Variants in CNTNAP2 observed in about 807,000 individuals in gnomAD.
The protein encoded by CNTNAP2 is contactin-associated protein-like 2.
CNTNAP2 carries 98 observed loss-of-function variants against 155.2 expected under a neutral mutation model. The observed-to-expected ratio is 0.63, with a 90% CI of 0.54 to 0.75. The LOEUF (loss-of-function observed/expected upper bound fraction) is 0.75, where lower values mean the gene tolerates loss of function less well. Ranked by LOEUF, CNTNAP2 falls within the 30% of genes least tolerant of loss-of-function variation. The pLI is 0.00. For synonymous variants in CNTNAP2, 651 were observed against 631.2 expected, an observed-to-expected ratio of 1.03 and a Z score of -0.47; for missense variants, 1,727 against 1,688.1, an observed-to-expected ratio of 1.02 and a Z score of -0.40.
intron 13 of CNTNAP2, among the ~76,000 whole-genome samples, chr7:147,710,268 C>A (rs1043952801): frequency 5.3e-5 from 8 of 152,040 alleles, no homozygotes; most frequent in Admixed American, 5.2e-4. Flanking sequence ...TTCAACTATC[C>A]CCATAGCTAA....
At chr7:147,004,504 G>C (rs1390745260) in intron 3 of CNTNAP2, among the ~76,000 whole-genome samples, 1 of 151,904 alleles carries the variant, frequency 6.6e-6, no homozygotes, top group East Asian at 1.9e-4. Context: ...GGCTATATAG[G>C]TAAAAATATA....
chr7:146,458,138 C>A (rs35069407), intron 1 of CNTNAP2, among the ~76,000 whole-genome samples: 8,811 of 152,080 alleles, frequency 0.058, 341 homozygotes, highest in Non-Finnish European at 0.089. Flanking sequence ...ACACTGGGGC[C>A]TGTCAGGGGT....
chr7:146,998,611 C>T (rs1584774316), intron 3 of CNTNAP2, among the ~76,000 whole-genome samples: 1 of 151,974 alleles, frequency 6.6e-6, no homozygotes, highest in East Asian at 1.9e-4. Flanking sequence ...GATGAACTAT[C>T]CATTGCTGAA....
intron 1 of CNTNAP2, among the ~76,000 whole-genome samples, chr7:146,565,761 C>T (rs979328045): frequency 1.3e-5 from 2 of 152,298 alleles, no homozygotes; most frequent in African/African-American, 2.4e-5. Context: ...TTAGAATAAA[C>T]GATGTGAGTG....
intron 10 of CNTNAP2, among the ~76,000 whole-genome samples, chr7:147,479,837 T>C (rs527537789): frequency 6.6e-6 from 1 of 152,242 alleles, no homozygotes; most frequent in East Asian, 1.9e-4. Flanking sequence ...GCTCCATCAA[T>C]ATTACAATAG....
At chr7:147,445,503 T>C (rs1263197083) in intron 10 of CNTNAP2, among the ~76,000 whole-genome samples, 3 of 151,734 alleles carry the variant, frequency 2.0e-5, no homozygotes, top group African/African-American at 7.2e-5. Context: ...AGTTTCCTTG[T>C]TGGTTGTTGT....
intron 10 of CNTNAP2, among the ~76,000 whole-genome samples, chr7:147,450,032 C>T (rs1319530416): frequency 1.3e-5 from 2 of 152,190 alleles, no homozygotes; most frequent in Non-Finnish European, 2.9e-5. Flanking sequence ...CCAAGGGTGT[C>T]CTGTCCTGAT....
At chr7:146,855,700 A>G (rs940031317) in intron 3 of CNTNAP2, among the ~76,000 whole-genome samples, 2 of 151,422 alleles carry the variant, frequency 1.3e-5, no homozygotes, top group African/African-American at 2.4e-5. Context: ...TGATATGTCA[A>G]TTGTGTTGGG....
chr7:147,865,243 A>C (rs886958168), intron 13 of CNTNAP2, among the ~76,000 whole-genome samples: 45 of 152,160 alleles, frequency 3.0e-4, no homozygotes, highest in African/African-American at 1.1e-3. Context: ...TGATTTGCAT[A>C]TGTTGAACCA....
chr7:146,397,097 G>A (rs1397624192), intron 1 of CNTNAP2, among the ~76,000 whole-genome samples: 2 of 152,084 alleles, frequency 1.3e-5, no homozygotes, highest in South Asian at 2.1e-4. Context: ...ATGAAGAGAT[G>A]GGCTACTAGT....
At chr7:147,735,233 A>C (rs891743678) in intron 13 of CNTNAP2, among the ~76,000 whole-genome samples, 1 of 152,218 alleles carries the variant, frequency 6.6e-6, no homozygotes, top group African/African-American at 2.4e-5. Context: ...CTTCATTCTC[A>C]TTGGTTTCAA....
At chr7:147,481,996 G>A (rs1019642583) in intron 10 of CNTNAP2, among the ~76,000 whole-genome samples, 5 of 152,086 alleles carry the variant, frequency 3.3e-5, no homozygotes, top group African/African-American at 7.2e-5. Flanking sequence ...TATTTCTTCT[G>A]AAATTACTTG....
At chr7:146,535,224 ATATATAT>A (rs1491430399) in intron 1 of CNTNAP2, among the ~76,000 whole-genome samples, 4 of 19,414 alleles carry the variant, frequency 2.1e-4, no homozygotes, top group South Asian at 3.6e-3. Flanking sequence ...ATATTATATC[ATATATAT>A]TATATCATAT....
intron 13 of CNTNAP2, among the ~76,000 whole-genome samples, chr7:147,779,932 G>T (rs12538275): frequency 0.017 from 2,531 of 152,224 alleles, 111 homozygotes; most frequent in Admixed American, 0.091. Context: ...CAAATACATA[G>T]CTCACAGTAA....
intron 14 of CNTNAP2, among the ~76,000 whole-genome samples, chr7:147,945,852 C>CT (rs979428228): frequency 7.8e-4 from 112 of 143,666 alleles, no homozygotes; most frequent in African/African-American, 2.6e-3. Context: ...CTTTTCTTTT[C>CT]TTTTTTTTTC....
At chr7:147,781,900 G>A (rs910487636) in intron 13 of CNTNAP2, among the ~76,000 whole-genome samples, 2 of 152,074 alleles carry the variant, frequency 1.3e-5, no homozygotes, top group African/African-American at 4.8e-5. Context: ...GCGGGCGCCT[G>A]TAGTCCCAGC....
At chr7:147,146,806 T>C (rs1053585405) in intron 8 of CNTNAP2, 9 of 152,226 alleles carry the variant, frequency 5.9e-5, no homozygotes, top group African/African-American at 2.2e-4. Flanking sequence ...TACCTTTTTC[T>C]TAAAAATAAA....
intron 1 of CNTNAP2, among the ~76,000 whole-genome samples, chr7:146,236,498 T>G (rs1466259996): frequency 1.3e-5 from 2 of 152,222 alleles, no homozygotes; most frequent in East Asian, 3.9e-4. Context: ...ACAGTCATAT[T>G]TTAATGGCTT....
intron 15 of CNTNAP2, among the ~76,000 whole-genome samples, chr7:148,074,289 A>T (rs898059168): frequency 6.6e-6 from 1 of 152,134 alleles, no homozygotes; most frequent in African/African-American, 2.4e-5. Context: ...TACAGTGTGC[A>T]CCTGACAGTG....
Sources: gnomAD v4.1 joint callset for allele counts (sites outside exome capture counted in the v4.1 genomes callset) on GRCh38, gnomAD v4.1.1 for gene constraint, MANE v1.5 for transcripts, NCBI Gene and HGNC (gene_info 2026-07-23, HGNC 2026-07-21) for gene names.